LSAMP: variants seen among roughly 807,000 people sequenced by gnomAD.
LSAMP encodes the protein limbic system-associated membrane protein.
A neutral mutation model predicts 38.6 loss-of-function variants in LSAMP; 7 were observed. The ratio of observed to expected loss-of-function variants is 0.18; its 90% CI spans 0.10 to 0.34. LSAMP has a LOEUF of 0.34. Among genes scored for constraint, LSAMP ranks in the 10% least tolerant of loss-of-function variants. The probability of loss-of-function intolerance (pLI) is 1.00; values close to 1 mark genes in which losing one functional copy is unlikely to be tolerated. For synonymous variants in LSAMP, 154 were observed against 166.8 expected, an observed-to-expected ratio of 0.92 and a Z score of 0.59; for missense variants, 313 against 420.0, an observed-to-expected ratio of 0.75 and a Z score of 2.23.
chr3:116,354,681 A>T (rs934395151), intron 1 of LSAMP, among the ~76,000 whole-genome samples: 3 of 152,222 alleles, frequency 2.0e-5, no homozygotes, highest in South Asian at 2.1e-4. Context: ...GAAAGACTAA[A>T]CATATATCTA....
chr3:116,365,735 C>T (rs1167214150), intron 1 of LSAMP, among the ~76,000 whole-genome samples: 1 of 101,218 alleles, frequency 9.9e-6, no homozygotes, highest in East Asian at 2.5e-4. Flanking sequence ...AAATTGGAAA[C>T]CATCATTCTC....
At chr3:116,105,636 G>T (rs1190046415) in intron 1 of LSAMP, among the ~76,000 whole-genome samples, 1 of 152,162 alleles carries the variant, frequency 6.6e-6, no homozygotes, top group East Asian at 1.9e-4. Context: ...TTAAAGTGGG[G>T]CAGGAACAAA....
chr3:116,162,935 GC>G (rs1162739960), intron 1 of LSAMP, among the ~76,000 whole-genome samples: 1 of 151,962 alleles, frequency 6.6e-6, no homozygotes, highest in Non-Finnish European at 1.5e-5. Context: ...GGTTGCCATG[GC>G]TTGACCTCCA....
In LSAMP at chr3:115,812,379, T is replaced by C. The variant is rs968117785; in HGVS notation, c.920-1965A>G. 3.9e-5 allele frequency among the ~76,000 whole-genome samples: 6 copies of C among 152,176 alleles called. No homozygotes were observed. In the East Asian group the frequency reaches 9.6e-4, roughly 24 times the overall value. ...GGAATTAAGGTTCAATGAGATTCTG[T>C]ATCTTGCATGAAAGCACCCGATTAG... On this transcript the variant is annotated intron_variant, in intron 6 of 6. Transcript: ENST00000490035.
rs59598576 is a variant in LSAMP at position 116,240,815 on chromosome 3, C to A, written c.156-154259G>T. 1.7e-3 allele frequency among the ~76,000 whole-genome samples: 254 copies of A among 152,290 alleles called. 1 individual carries two copies. Among genetic ancestry groups the A allele is most frequent in the African/African-American group, 5.8e-3 (242 of 41,558 alleles). On this transcript the variant is annotated intron_variant, in intron 1 of 6. Transcript: ENST00000490035. Reference sequence around the variant, plus strand: ...AGAGAGCTGATAAAACAAATAATAGCATTAAATAACATGCTATGCCAGATA... The same window carrying A: ...AGAGAGCTGATAAAACAAATAATAGAATTAAATAACATGCTATGCCAGATA...
chr3:115,958,566 G>C (rs1938527679), intron 3 of LSAMP, among the ~76,000 whole-genome samples: 1 of 152,112 alleles, frequency 6.6e-6, no homozygotes, highest in Admixed American at 6.5e-5. Context: ...CTTGCCCGAA[G>C]GTCAGCCAGC....
intron 1 of LSAMP, among the ~76,000 whole-genome samples, chr3:116,438,382 TTG>T (rs1201933539): frequency 1.3e-5 from 2 of 152,206 alleles, no homozygotes; most frequent in African/African-American, 4.8e-5. Context: ...GCAAAAATAG[TTG>T]TCAGTTATCT....
At chr3:116,009,092 G>T (rs1940249991) in intron 3 of LSAMP, among the ~76,000 whole-genome samples, 1 of 151,976 alleles carries the variant, frequency 6.6e-6, no homozygotes. Context: ...CAATCTCTAG[G>T]CTGAAACAGA....
intron 1 of LSAMP, among the ~76,000 whole-genome samples, chr3:116,436,371 C>G (rs534212991): frequency 6.6e-6 from 1 of 152,284 alleles, no homozygotes; most frequent in South Asian, 2.1e-4. Flanking sequence ...AGCCAAAGAG[C>G]TTTGCACAGC....
At chr3:116,389,577 A>C (rs1303130973) in intron 1 of LSAMP, among the ~76,000 whole-genome samples, 3 of 152,126 alleles carry the variant, frequency 2.0e-5, no homozygotes, top group Non-Finnish European at 4.4e-5. Context: ...TTCATTGCTA[A>C]ATTTGGTCAG....
chr3:116,191,332 C>T (rs143204944), intron 1 of LSAMP, among the ~76,000 whole-genome samples: 32 of 152,216 alleles, frequency 2.1e-4, no homozygotes, highest in African/African-American at 1.7e-4. Context: ...TTAATAAGAA[C>T]GCAACATAAG....
chr3:116,015,161 A>G (rs1940440515), intron 3 of LSAMP, among the ~76,000 whole-genome samples: 1 of 152,168 alleles, frequency 6.6e-6, no homozygotes, highest in Admixed American at 6.6e-5. Context: ...ATTACACAGT[A>G]TCTCTTGGGT....
At chr3:115,905,244 T>A (rs1936980047) in intron 3 of LSAMP, among the ~76,000 whole-genome samples, 1 of 152,078 alleles carries the variant, frequency 6.6e-6, no homozygotes, top group African/African-American at 2.4e-5. Flanking sequence ...ATGAAAAGTT[T>A]CTCACAAGTT....
intron 3 of LSAMP, among the ~76,000 whole-genome samples, chr3:115,961,353 A>T (rs1300390922): frequency 4.3e-4 from 65 of 152,222 alleles, no homozygotes; most frequent in Non-Finnish European, 1.8e-4. Flanking sequence ...ACTGGAGGAC[A>T]CTGCCAATTC....
intron 1 of LSAMP, among the ~76,000 whole-genome samples, chr3:116,191,492 A>G (rs529194598): frequency 1.6e-4 from 24 of 152,024 alleles, no homozygotes; most frequent in Admixed American, 5.2e-4. Context: ...TTCCCAAATG[A>G]CTCTGCAGCC....
intron 1 of LSAMP, among the ~76,000 whole-genome samples, chr3:116,390,899 A>G (rs116173466): frequency 0.051 from 7,769 of 152,030 alleles, 280 homozygotes; most frequent in Middle Eastern, 0.12. Flanking sequence ...TACCATTTTC[A>G]TGTACACTGC....
chr3:116,350,040 A>C (rs999397926), intron 1 of LSAMP, among the ~76,000 whole-genome samples: 1 of 152,082 alleles, frequency 6.6e-6, no homozygotes, highest in Non-Finnish European at 1.5e-5. Context: ...AAGAGGTTTT[A>C]AGTGTCTTCT....
chr3:116,439,319 GTT>G (rs386397696), intron 1 of LSAMP, among the ~76,000 whole-genome samples: 1 of 147,832 alleles, frequency 6.8e-6, no homozygotes, highest in Admixed American at 6.7e-5. Context: ...AGATTTTGTT[GTT>G]TTTTTTTTTT....
chr3:115,840,437 G>A (rs1454381114), intron 6 of LSAMP, among the ~76,000 whole-genome samples: 1 of 151,712 alleles, frequency 6.6e-6, no homozygotes, highest in Non-Finnish European at 1.5e-5. Context: ...ATATTCTCAA[G>A]CGTCTTAGGG....
Sources: allele counts gnomAD v4.1 joint callset (sites outside exome capture counted in the v4.1 genomes callset), GRCh38; gene constraint gnomAD v4.1.1; transcripts MANE v1.5; gene names NCBI Gene and HGNC (gene_info 2026-07-23, HGNC 2026-07-21).